The following NAPG variants were observed in gnomAD, a reference collection of about 807,000 sequenced individuals.
The protein encoded by NAPG is gamma-soluble NSF attachment protein.
Under a neutral mutation model 48.4 loss-of-function variants are expected in NAPG, and 25 were observed. The ratio of observed to expected loss-of-function variants is 0.52; its 90% CI spans 0.38 to 0.72. NAPG has a LOEUF of 0.72. Among genes scored for constraint, NAPG ranks in the 30% least tolerant of loss-of-function variants. The pLI is 0.00. For missense variants in NAPG, 359 were observed against 372.5 expected (o/e 0.96, Z 0.30); for synonymous variants, 139 against 127.2 (o/e 1.09, Z -0.62).
chr18:10,550,116 G>T lies in NAPG; in HGVS notation c.835G>T (p.Gly279Ter). ...LGLSLVVPGG[G>*]IKKKSPATPQ... ...CCTGAGTTTGGTGGTTCCAGGAGGGGGAATCAAGAAGAAATCACCTGCAAC... is the reference window on the plus strand; with the variant it reads ...CCTGAGTTTGGTGGTTCCAGGAGGGTGAATCAAGAAGAAATCACCTGCAAC... Residue 279 changes from glycine to a stop codon, truncating the protein, a stop_gained, in exon 12 of 12, where the codon GGA becomes TGA. Transcript: ENST00000322897. LOFTEE classifies it low-confidence loss of function (END_TRUNC). 6.3e-7 allele frequency: 1 copy of T among 1,575,480 alleles called. No individual in the cohort carries two copies. Among genetic ancestry groups the T allele is most frequent in the Non-Finnish European group, 8.6e-7 (1 of 1,164,364 alleles).
intron 9 of NAPG, among the ~76,000 whole-genome samples, chr18:10,547,679 T>C (rs1020386507): frequency 6.6e-6 from 1 of 152,192 alleles, no homozygotes. Context: ...CTTTGTGAAC[T>C]TAAAGATAGA....
intron 2 of NAPG, among the ~76,000 whole-genome samples, chr18:10,531,352 A>G (rs1249960712): frequency 6.6e-6 from 1 of 152,218 alleles, no homozygotes; most frequent in East Asian, 1.9e-4. Context: ...TTATCTTTAT[A>G]TAAGATATAA....
chr18:10,552,108 A>G lies in NAPG; in HGVS notation c.*1888A>G, dbSNP rs373759565. 2.6e-5 allele frequency: 4 copies of G among 152,342 alleles called. No homozygotes were observed. Among genetic ancestry groups the G allele is most frequent in the Middle Eastern group, 3.4e-3 (1 of 294 alleles). 9.4% of individuals were successfully genotyped at this position (152,342 alleles called of 1,614,324 possible). ...CAATACTTTAAAGATACTGTAGACT[A>G]TTTATGTATAGATAGATCATATTAC... On this transcript the variant is annotated 3_prime_UTR_variant, in exon 12 of 12. Transcript: ENST00000322897.
chr18:10,538,337 G>C (rs1392213016), intron 5 of NAPG, among the ~76,000 whole-genome samples: 6 of 152,180 alleles, frequency 3.9e-5, no homozygotes, highest in African/African-American at 1.4e-4. Flanking sequence ...GTGCTGCCCA[G>C]CCCCAGCCTG....
intron 3 of NAPG, 142 bp downstream of exon 3, chr18:10,532,937 A>AG: frequency 1.3e-6 from 1 of 769,576 alleles, no homozygotes; most frequent in East Asian, 2.7e-5. Flanking sequence ...CTGTATTTTT[A>AG]AACTATGAAG....
chr18:10,530,697 G>T, intron 1 of NAPG, 73 bp from the exon 2 acceptor site: 4 of 861,730 alleles, frequency 4.6e-6, no homozygotes, highest in Non-Finnish European at 6.5e-6. Flanking sequence ...AGACCTAGAA[G>T]GTCATTACAA....
chr18:10,528,760 C>CTGGGGCAGGGAGG (rs1291625223), intron 1 of NAPG, among the ~76,000 whole-genome samples: 1 of 151,574 alleles, frequency 6.6e-6, no homozygotes, highest in African/African-American at 2.4e-5. Flanking sequence ...GTGGGTAGGT[C>CTGGGGCAGGGAGG]TGGGGCAGGG....
chr18:10,526,995 C>G (rs1449625860), intron 1 of NAPG, among the ~76,000 whole-genome samples: 1 of 151,992 alleles, frequency 6.6e-6, no homozygotes, highest in Non-Finnish European at 1.5e-5. Flanking sequence ...CCAGACCATC[C>G]TGGCTAACAC....
Position 10,551,360 on chromosome 18 carries a change from A to G in NAPG, c.*1140A>G, listed in dbSNP as rs542387345. 8 of 152,362 alleles carry G rather than the reference A, an allele frequency of 5.3e-5. 1 individual carries two copies. The South Asian group carries it at 1.4e-3, about 28-fold the overall frequency. The allele number at this position is 152,362 out of a possible 1,614,324, so 9.4% of individuals were successfully genotyped here. A position where few individuals can be genotyped will look rare whatever the true frequency, so the allele number is the denominator to read the frequency against. On this transcript the variant is annotated 3_prime_UTR_variant, in exon 12 of 12. Transcript: ENST00000322897. ...ATTTTATTTTGATTGTAACTCCGTC[A>G]TAACTTGACATGGAAAATGCTATAT...
At chr18:10,536,537 A>G (rs758876358) in intron 5 of NAPG, among the ~76,000 whole-genome samples, 1 of 152,224 alleles carries the variant, frequency 6.6e-6, no homozygotes, top group African/African-American at 2.4e-5. Context: ...AAATAGGCAT[A>G]TTTATGGTGG....
chr18:10,551,104 T>A lies in NAPG; in HGVS notation c.*884T>A, dbSNP rs1229165053. ...TTTTTATTTTTAATTTGTAATTTTT[T>A]TTTTATTTTTTTTGTTGAGATGGAG... On this transcript the variant is annotated 3_prime_UTR_variant, in exon 12 of 12. Coordinates refer to ENST00000322897, the MANE Select transcript of NAPG (RefSeq NM_003826.3). 1 of 151,946 alleles carries A rather than the reference T, an allele frequency of 6.6e-6. No individual in the cohort carries two copies. Among genetic ancestry groups the A allele is most frequent in the East Asian group, 1.9e-4 (1 of 5,182 alleles). 9.4% of individuals were successfully genotyped at this position (151,946 alleles called of 1,614,324 possible). A position where few individuals can be genotyped will look rare whatever the true frequency, so the allele number is the denominator to read the frequency against.
intron 3 of NAPG, 179 bp from the exon 4 acceptor site, chr18:10,533,357 A>G: frequency 2.2e-6 from 1 of 461,010 alleles, no homozygotes; most frequent in Non-Finnish European, 3.8e-6. Context: ...TTTGGGAATT[A>G]TGTAGTTTTA....
chr18:10,527,881 T>C (rs2031851850), intron 1 of NAPG, among the ~76,000 whole-genome samples: 1 of 152,122 alleles, frequency 6.6e-6, no homozygotes, highest in South Asian at 2.1e-4. Flanking sequence ...AGATTTGCTT[T>C]TGGTGAAAGA....
In NAPG at chr18:10,539,428, C is replaced by T. The variant is rs746519821; in HGVS notation, c.259-334C>T. On this transcript the variant is annotated intron_variant, in intron 5 of 11. Transcript: ENST00000322897. The surrounding 1 kb of genome is among the most constrained non-coding windows in gnomAD (Gnocchi z 4.7). ...AACACAGGAACAGAAAACCAAACAC[C>T]GCATGTTCTCACTCATACGTGGGAA... The T allele has an allele frequency of 7.8e-5, 17 of 218,776 alleles. No homozygotes were observed. Among genetic ancestry groups the T allele is most frequent in the South Asian group, 2.3e-4 (3 of 13,292 alleles). The allele number at this position is 218,776 out of a possible 1,614,324, so 13.6% of individuals were successfully genotyped here.
At chr18:10,533,235 A>G (rs560179144) in intron 3 of NAPG, 1 of 308,330 alleles carries the variant, frequency 3.2e-6, no homozygotes, top group East Asian at 5.6e-5. Context: ...ATCAATAAAA[A>G]ATGTTTCTCT....
chr18:10,526,052 G>T lies in NAPG; in HGVS notation c.-51G>T. 38 of 1,570,074 alleles carry T rather than the reference G, an allele frequency of 2.4e-5. No homozygotes were observed. The highest frequency in any genetic ancestry group is 3.2e-5 in the Non-Finnish European group (37 of 1,141,192). ...CTATTTGGGCGGATTCTTGGCGCCG[G>T]AGGAAGAGGCAGGGTCACCCTCTCT... On this transcript the variant is annotated 5_prime_UTR_variant, in exon 1 of 12. Transcript: ENST00000322897.
chr18:10,533,503 T>C, intron 3 of NAPG, 33 bp from the exon 4 acceptor site: 1 of 1,581,716 alleles, frequency 6.3e-7, no homozygotes, highest in Non-Finnish European at 8.6e-7. Context: ...TTTTTCTTTT[T>C]TCCTTAACTT....
rs2032168982 is a variant in NAPG at position 10,542,092 on chromosome 18, GT to G, written c.506+1694del. On this transcript the variant is annotated intron_variant, in intron 8 of 11. Transcript: ENST00000322897. This position sits in a 1 kb window ranked among gnomAD's most constrained non-coding sequence, Gnocchi z 4.5. ...AAGCCATTGTTTTAAAGCAATTACT[GT>G]GTTAAATTCTTCAAAGCCTCAGCAG... 6.6e-6 allele frequency among the ~76,000 whole-genome samples: 1 copy of G among 152,166 alleles called. No homozygotes were observed. Among genetic ancestry groups the G allele is most frequent in the African/African-American group, 2.4e-5 (1 of 41,450 alleles).
intron 1 of NAPG, 97 bp from the exon 2 acceptor site, chr18:10,530,673 T>C: frequency 1.4e-6 from 1 of 738,498 alleles, no homozygotes; most frequent in African/African-American, 1.8e-5. Flanking sequence ...TCTCCTTTTT[T>C]TTTTTTTTTT....
Sources: allele counts gnomAD v4.1 joint callset (sites outside exome capture counted in the v4.1 genomes callset), GRCh38; gene constraint gnomAD v4.1.1; non-coding constraint Gnocchi (gnomAD v3.1); transcripts MANE v1.5; gene names NCBI Gene and HGNC (gene_info 2026-07-23, HGNC 2026-07-21).